The following SMYD3 variants were observed in gnomAD, a reference collection of about 807,000 sequenced individuals.
SMYD3 encodes SET and MYND domain containing 3.
In SMYD3, 36 loss-of-function variants were observed where a neutral mutation model predicts 57.7. That is an observed-to-expected ratio of 0.62 (90% CI 0.48 to 0.82). The LOEUF is 0.82. Among genes scored for constraint, SMYD3 ranks in the 40% least tolerant of loss-of-function variants. The pLI, the probability that SMYD3 is intolerant of heterozygous loss-of-function variation, is 0.00. For synonymous variants in SMYD3, 211 were observed against 195.0 expected (o/e 1.08, Z -0.68); for missense variants, 515 against 538.8 (o/e 0.96, Z 0.44).
At chr1:245,788,912 C>T (rs907147214) in intron 10 of SMYD3, 5 of 152,198 alleles carry the variant, frequency 3.3e-5, no homozygotes, top group Admixed American at 6.5e-5. Flanking sequence ...TGTGCCACTG[C>T]TAATTATTAC....
intron 5 of SMYD3, among the ~76,000 whole-genome samples, chr1:246,209,235 T>A (rs966793232): frequency 3.9e-5 from 6 of 152,176 alleles, no homozygotes; most frequent in Non-Finnish European, 8.8e-5. Context: ...ATGGCTGTGA[T>A]GATAAATTAC....
intron 5 of SMYD3, among the ~76,000 whole-genome samples, chr1:246,026,390 TC>T (rs2059574933): frequency 1.3e-5 from 2 of 152,284 alleles, no homozygotes; most frequent in South Asian, 4.1e-4. Context: ...TAAGTACACC[TC>T]ATTGCGTGTA....
chr1:245,858,088 C>T (rs1053199957), intron 10 of SMYD3, among the ~76,000 whole-genome samples: 4 of 152,208 alleles, frequency 2.6e-5, no homozygotes, highest in Non-Finnish European at 5.9e-5. Context: ...AGACCAAGGG[C>T]CCCATATGGC....
intron 1 of SMYD3, among the ~76,000 whole-genome samples, chr1:246,474,519 C>CAAAAAAA (rs35626265): frequency 2.5e-5 from 2 of 78,804 alleles, no homozygotes; most frequent in Non-Finnish European, 2.6e-5. Flanking sequence ...ACTCCCCTCT[C>CAAAAAAA]AAAAAAAAAA....
intron 8 of SMYD3, among the ~76,000 whole-genome samples, chr1:245,879,757 G>A (rs917320484): frequency 3.3e-5 from 5 of 152,208 alleles, no homozygotes; most frequent in Admixed American, 2.6e-4. Flanking sequence ...GAAAGGGAAT[G>A]GCAGCAGAAG....
chr1:245,952,523 C>A (rs1451413831), intron 5 of SMYD3, among the ~76,000 whole-genome samples: 4 of 152,140 alleles, frequency 2.6e-5, no homozygotes, highest in Non-Finnish European at 5.9e-5. Flanking sequence ...GAAAGCCGAT[C>A]CTCAGAAGCA....
intron 5 of SMYD3, among the ~76,000 whole-genome samples, chr1:245,932,792 C>A (rs1441075104): frequency 6.6e-6 from 1 of 152,150 alleles, no homozygotes; most frequent in African/African-American, 2.4e-5. Context: ...GAACTCCTGG[C>A]CTCAAGTGGT....
At chr1:246,010,378 G>C (rs180763901) in intron 5 of SMYD3, among the ~76,000 whole-genome samples, 1 of 152,222 alleles carries the variant, frequency 6.6e-6, no homozygotes, top group Non-Finnish European at 1.5e-5. Context: ...TCCATGCAGA[G>C]AAAGACCTAA....
At chr1:245,844,883 C>A (rs1400230540) in intron 10 of SMYD3, among the ~76,000 whole-genome samples, 1 of 151,924 alleles carries the variant, frequency 6.6e-6, no homozygotes, top group Non-Finnish European at 1.5e-5. Context: ...ATGGCTAGGA[C>A]CCATTTGAAG....
chr1:246,195,804 C>G (rs1273815829), intron 5 of SMYD3, among the ~76,000 whole-genome samples: 1 of 152,140 alleles, frequency 6.6e-6, no homozygotes, highest in African/African-American at 2.4e-5. Context: ...TTACATATAG[C>G]TCAACCGGAG....
intron 5 of SMYD3, among the ~76,000 whole-genome samples, chr1:246,293,695 T>A (rs954186297): frequency 6.6e-6 from 1 of 152,210 alleles, no homozygotes; most frequent in Non-Finnish European, 1.5e-5. Context: ...TCATCATTAA[T>A]AACCCTTTTG....
At chr1:246,163,938 A>G (rs528078430) in intron 5 of SMYD3, among the ~76,000 whole-genome samples, 1 of 152,282 alleles carries the variant, frequency 6.6e-6, no homozygotes, top group African/African-American at 2.4e-5. Flanking sequence ...TGGAAGACCT[A>G]ATGCTCGGAG....
At chr1:246,281,034 C>G (rs1285673110) in intron 5 of SMYD3, among the ~76,000 whole-genome samples, 1 of 152,202 alleles carries the variant, frequency 6.6e-6, no homozygotes, top group African/African-American at 2.4e-5. Context: ...ACCTAATGCA[C>G]TCAATAGACA....
chr1:245,775,272 G>C (rs886970976), intron 10 of SMYD3, among the ~76,000 whole-genome samples: 4 of 151,862 alleles, frequency 2.6e-5, no homozygotes, highest in Admixed American at 1.3e-4. Flanking sequence ...TTGTCGAGTG[G>C]AAGGGGGGAA....
At chr1:245,944,349 C>A (rs910316243) in intron 5 of SMYD3, among the ~76,000 whole-genome samples, 1 of 151,888 alleles carries the variant, frequency 6.6e-6, no homozygotes, top group African/African-American at 2.4e-5. Flanking sequence ...TATACACCAA[C>A]AGACATGCAG....
At chr1:245,822,142 C>A (rs2049195359) in intron 10 of SMYD3, among the ~76,000 whole-genome samples, 1 of 152,106 alleles carries the variant, frequency 6.6e-6, no homozygotes, top group Non-Finnish European at 1.5e-5. Flanking sequence ...GACTTGGAAC[C>A]AACCCAAATG....
At chr1:246,503,399 C>T (rs1278051251) in intron 1 of SMYD3, among the ~76,000 whole-genome samples, 1 of 152,186 alleles carries the variant, frequency 6.6e-6, no homozygotes, top group Non-Finnish European at 1.5e-5. Context: ...AAACCAAAGA[C>T]AAACATACAG....
At chr1:246,316,805 C>T (rs1407424323) in intron 5 of SMYD3, among the ~76,000 whole-genome samples, 5 of 150,848 alleles carry the variant, frequency 3.3e-5, no homozygotes, top group African/African-American at 1.2e-4. Flanking sequence ...ACCATCCTGG[C>T]CAACATGGTG....
chr1:246,338,099 C>G (rs1433053064), intron 2 of SMYD3, among the ~76,000 whole-genome samples: 1 of 152,118 alleles, frequency 6.6e-6, no homozygotes, highest in Non-Finnish European at 1.5e-5. Flanking sequence ...CATGAAAAGC[C>G]AAATCAGATC....
Sources: allele counts gnomAD v4.1 joint callset (sites outside exome capture counted in the v4.1 genomes callset), GRCh38; gene constraint gnomAD v4.1.1; transcripts MANE v1.5; gene names NCBI Gene and HGNC (gene_info 2026-07-23, HGNC 2026-07-21).